Variants in NIPSNAP3B observed in about 807,000 individuals in gnomAD.
The protein encoded by NIPSNAP3B is protein NipSnap homolog 3B.
Under a neutral mutation model 31.5 loss-of-function variants are expected in NIPSNAP3B, and 30 were observed. That is an observed-to-expected ratio of 0.95 (90% CI 0.71 to 1.29). The LOEUF (loss-of-function observed/expected upper bound fraction) is 1.29, where lower values mean the gene tolerates loss of function less well. Among genes scored for constraint, NIPSNAP3B ranks in the 50% most tolerant of loss-of-function variants. The pLI is 0.00. For synonymous variants in NIPSNAP3B, 106 were observed against 107.9 expected, an observed-to-expected ratio of 0.98 and a Z score of 0.11; for missense variants, 269 against 300.7, an observed-to-expected ratio of 0.89 and a Z score of 0.78.
At chr9:104,769,453 CAAAA>C (rs34083177) in intron 3 of NIPSNAP3B, among the ~76,000 whole-genome samples, 104 of 109,432 alleles carry the variant, frequency 9.5e-4, no homozygotes, top group African/African-American at 3.7e-3. Context: ...GACTCCGTCT[CAAAA>C]AAAAAAAAAA....
At chr9:104,779,121 G>C (rs1327969406), downstream of NIPSNAP3B, among the ~76,000 whole-genome samples, 2 of 152,082 alleles carry the variant, frequency 1.3e-5, no homozygotes, top group Non-Finnish European at 2.9e-5. Flanking sequence ...GGCTGCTCCT[G>C]CTCTTTTTAT....
At chr9:104,770,368 C>G (rs1306439416) in intron 3 of NIPSNAP3B, among the ~76,000 whole-genome samples, 1 of 151,970 alleles carries the variant, frequency 6.6e-6, no homozygotes, top group Non-Finnish European at 1.5e-5. Context: ...TTTGGGTCAA[C>G]TAGAAATAGA....
chr9:104,785,775 G>A, the NIPSNAP3B span: 3 of 983,136 alleles, frequency 3.1e-6, no homozygotes, highest in South Asian at 4.3e-5. Flanking sequence ...CTGAGAGAAG[G>A]AACCAGTTAT....
the NIPSNAP3B span, among the ~76,000 whole-genome samples, chr9:104,788,780 C>G: frequency 6.6e-6 from 1 of 152,230 alleles, no homozygotes; most frequent in Admixed American, 6.5e-5. Context: ...CCTTGCACCT[C>G]CCTGGCTCTC....
At chr9:104,784,242 A>G in the NIPSNAP3B span, 9 of 1,598,034 alleles carry the variant, frequency 5.6e-6, no homozygotes, top group Non-Finnish European at 7.7e-6. Context: ...TCTTTTCTCC[A>G]CAACACTTCA....
At chr9:104,784,511 A>G in the NIPSNAP3B span, 1 of 1,606,730 alleles carries the variant, frequency 6.2e-7, no homozygotes, top group Non-Finnish European at 8.5e-7. Flanking sequence ...CTCATTCTTT[A>G]TTCTAGTTCT....
intron 1 of NIPSNAP3B, among the ~76,000 whole-genome samples, chr9:104,765,391 G>T (rs1278389836): frequency 6.6e-6 from 1 of 152,168 alleles, no homozygotes; most frequent in East Asian, 1.9e-4. Flanking sequence ...CACGGGAGTG[G>T]TCTGTGTATA....
chr9:104,778,124 T>G (rs1457640745), downstream of NIPSNAP3B, among the ~76,000 whole-genome samples: 1 of 152,212 alleles, frequency 6.6e-6, no homozygotes, highest in African/African-American at 2.4e-5. Flanking sequence ...CTGGCTAGCT[T>G]CTCTTCTAAA....
chr9:104,780,435 A>C (rs1828451554), downstream of NIPSNAP3B, among the ~76,000 whole-genome samples: 1 of 152,226 alleles, frequency 6.6e-6, no homozygotes, highest in Non-Finnish European at 1.5e-5. Flanking sequence ...ACTGATTCTT[A>C]ATGAGCTATG....
the NIPSNAP3B span, chr9:104,787,755 G>A: frequency 1.1e-6 from 1 of 876,674 alleles, no homozygotes; most frequent in East Asian, 1.2e-4. Context: ...AGCCACCCCA[G>A]TGTGTGCCAA....
the NIPSNAP3B span, chr9:104,786,411 G>T: frequency 6.2e-7 from 1 of 1,600,178 alleles, no homozygotes; most frequent in Non-Finnish European, 8.6e-7. Flanking sequence ...ACAGAAAGAG[G>T]TTTTAGTTTT....
At chr9:104,789,230 C>T in the NIPSNAP3B span, among the ~76,000 whole-genome samples, 1 of 152,194 alleles carries the variant, frequency 6.6e-6, no homozygotes, top group East Asian at 1.9e-4. Flanking sequence ...ACGTGGACAC[C>T]GTGCCAGGCC....
At chr9:104,790,884 A>G in the NIPSNAP3B span, 1 of 1,361,430 alleles carries the variant, frequency 7.3e-7, no homozygotes, top group Non-Finnish European at 1.1e-6. Context: ...TTAAAAACAA[A>G]GTCTTTGCAG....
the NIPSNAP3B span, among the ~76,000 whole-genome samples, chr9:104,785,131 T>C: frequency 6.6e-6 from 1 of 152,350 alleles, no homozygotes; most frequent in East Asian, 1.9e-4. Flanking sequence ...CCAAGTAAAA[T>C]GCCTGGCCCA....
At chr9:104,789,785 T>C in the NIPSNAP3B span, among the ~76,000 whole-genome samples, 1 of 151,712 alleles carries the variant, frequency 6.6e-6, no homozygotes, top group African/African-American at 2.4e-5. Context: ...TGCCTTGTAC[T>C]ATCTCTCCAC....
chr9:104,775,777 C>T lies in NIPSNAP3B; in HGVS notation c.*2704C>T, dbSNP rs1828323012. On this transcript the variant is annotated 3_prime_UTR_variant, in exon 6 of 6. Transcript: ENST00000374762. ...AACTTTATCTCAGCTATTGGCAACT[C>T]CAGGTTTCTGTTTTGCTCAGGCCAC... Among the ~76,000 whole-genome samples, 1 of 152,174 alleles carries T rather than the reference C, an allele frequency of 6.6e-6. No individual in the cohort carries two copies. Among genetic ancestry groups the T allele is most frequent in the African/African-American group, 2.4e-5 (1 of 41,448 alleles).
At position 104,764,679 on chromosome 9, in the gene NIPSNAP3B, A is replaced by C. The variant is rs141740417; in HGVS notation, c.60+379A>C. Among the ~76,000 whole-genome samples, 91 of 152,284 alleles carry C rather than the reference A, an allele frequency of 6.0e-4. No individual in the cohort carries two copies. The East Asian group carries it at 0.013, about 23-fold the overall frequency. ...CTCATCCTCCGGAGTAGGTGGAATT[A>C]CAGGCGCCAGCCACCACGCCCGGCT... On this transcript the variant is annotated intron_variant, in intron 1 of 5. Transcript: ENST00000374762.
At chr9:104,786,734 A>G in the NIPSNAP3B span, 1 of 825,126 alleles carries the variant, frequency 1.2e-6, no homozygotes. Flanking sequence ...TTTTTGTAAG[A>G]ATATGCATAT....
At chr9:104,785,650 G>C in the NIPSNAP3B span, 1 of 1,613,592 alleles carries the variant, frequency 6.2e-7, no homozygotes, top group Non-Finnish European at 8.5e-7. Context: ...CTGAAAGCAG[G>C]AAAAAATACC....
Sources: gnomAD v4.1 joint callset for allele counts (sites outside exome capture counted in the v4.1 genomes callset) on GRCh38, gnomAD v4.1.1 for gene constraint, MANE v1.5 for transcripts, NCBI Gene and HGNC (gene_info 2026-07-23, HGNC 2026-07-21) for gene names.